The following UBE2B variants were observed in gnomAD, a reference collection of about 807,000 sequenced individuals.
The protein encoded by UBE2B is ubiquitin conjugating enzyme E2 B.
UBE2B carries 11 observed loss-of-function variants against 24.6 expected under a neutral mutation model. That is an observed-to-expected ratio of 0.45 (90% CI 0.28 to 0.74). The LOEUF (loss-of-function observed/expected upper bound fraction) is 0.74. Ranked by LOEUF, UBE2B falls within the 30% of genes least tolerant of loss-of-function variation. UBE2B has a pLI of 0.13. For synonymous variants in UBE2B, 68 were observed against 62.4 expected, an observed-to-expected ratio of 1.09 and a Z score of -0.42; for missense variants, 78 against 185.6, an observed-to-expected ratio of 0.42 and a Z score of 3.37.
Position 134,390,554 on chromosome 5 carries a change from C to G in UBE2B, c.*201C>G. The G allele has an allele frequency of 1.8e-6, 1 of 566,346 alleles. No individual in the cohort carries two copies. Among genetic ancestry groups the G allele is most frequent in the South Asian group, 2.1e-5 (1 of 48,284 alleles). The allele number at this position is 566,346 out of a possible 1,614,324, so 35.1% of individuals were successfully genotyped here. ...TTGCATGGTGTGAACTAAGTTATTG[C>G]TGCATAAATTTGTAATATATCCTGT... On this transcript the variant is annotated 3_prime_UTR_variant, in exon 6 of 6. Coordinates refer to ENST00000265339, the MANE Select transcript of UBE2B (RefSeq NM_003337.4). The surrounding 1 kb of genome is among the most constrained non-coding windows in gnomAD (Gnocchi z 4.6).
In UBE2B at chr5:134,388,341, C is replaced by T; in HGVS notation, c.258C>T (p.Ser86=). 6.2e-7 allele frequency: 1 copy of T among 1,613,932 alleles called. No individual in the cohort carries two copies. The highest frequency in any genetic ancestry group is 8.5e-7 in the Non-Finnish European group (1 of 1,179,908). The change falls in exon 5 of 6, where the codon AGC becomes AGT. Residue 86 remains serine, a synonymous_variant. Coordinates refer to ENST00000265339, the MANE Select transcript of UBE2B (RefSeq NM_003337.4). ...TCTTTGCAGTGTATGCTGATGGTAG[C>T]ATATGTTTAGATATCCTTCAGAATC... is the stretch of plus-strand genomic sequence containing the variant. ...MFHPNVYADG[S]ICLDILQNRW...
At chr5:134,380,837 T>C in intron 4 of UBE2B, 29 bp downstream of exon 4, 1 of 1,463,110 alleles carries the variant, frequency 6.8e-7, no homozygotes, top group Non-Finnish European at 9.5e-7. Context: ...ATTTTGCAGA[T>C]GATAGTGGGG....
chr5:134,380,388 A>G (rs1187207346), intron 3 of UBE2B, among the ~76,000 whole-genome samples: 1 of 151,966 alleles, frequency 6.6e-6, no homozygotes, highest in Non-Finnish European at 1.5e-5. Context: ...CCTTTAACCA[A>G]CTCCCATTCT....
In UBE2B at chr5:134,390,057, A is replaced by AT; in HGVS notation, c.331-165dup. 1 of 756,858 alleles carries AT rather than the reference A, an allele frequency of 1.3e-6. No individual in the cohort carries two copies. The highest frequency in any genetic ancestry group is 1.7e-5 in the African/African-American group (1 of 57,306). 46.9% of individuals were successfully genotyped at this position (756,858 alleles called of 1,614,324 possible). A position where few individuals can be genotyped will look rare whatever the true frequency, so the allele number is the denominator to read the frequency against. The stretch of plus-strand genomic sequence containing the variant: ...CCTTAGCAGCAGGAAACCCCATAGT[A>AT]TTTATCAAATCATTTCTAAAAGTAT... On this transcript the variant is annotated intron_variant, in intron 5 of 5. Coordinates refer to ENST00000265339, the MANE Select transcript of UBE2B (RefSeq NM_003337.4). This position sits in a 1 kb window ranked among gnomAD's most constrained non-coding sequence, Gnocchi z 4.6.
intron 3 of UBE2B, 50 bp downstream of exon 3, chr5:134,376,744 G>A: frequency 1.3e-6 from 2 of 1,532,306 alleles, no homozygotes; most frequent in Non-Finnish European, 1.8e-6. Context: ...TTACTTTTTA[G>A]TAGAAAATTG....
At chr5:134,371,687 G>T in intron 1 of UBE2B, 48 bp downstream of exon 1, 1 of 1,612,132 alleles carries the variant, frequency 6.2e-7, no homozygotes. Context: ...AAAGCTGCGG[G>T]GCTGCAGGGC....
chr5:134,387,780 ATTAATTTTTTTTTAT>A (rs1422032603), intron 4 of UBE2B, among the ~76,000 whole-genome samples: 1 of 152,110 alleles, frequency 6.6e-6, no homozygotes, highest in Non-Finnish European at 1.5e-5. Context: ...TACAATGGCA[ATTAATTTTTTTTTAT>A]TTAATTTTTT....
intron 5 of UBE2B, among the ~76,000 whole-genome samples, chr5:134,389,531 AT>A (rs1157954755): frequency 1.7e-4 from 26 of 148,856 alleles, no homozygotes; most frequent in South Asian, 2.1e-4. Flanking sequence ...AATTATAGGT[AT>A]TTTTTTCTTT....
chr5:134,378,942 A>C (rs568408769), intron 3 of UBE2B, among the ~76,000 whole-genome samples: 363 of 151,130 alleles, frequency 2.4e-3, no homozygotes, highest in African/African-American at 8.3e-3. Flanking sequence ...AAAAAAAAAA[A>C]AAAACAGTGG....
chr5:134,378,938 A>ACTCC (rs894968722), intron 3 of UBE2B, among the ~76,000 whole-genome samples: 1 of 151,982 alleles, frequency 6.6e-6, no homozygotes, highest in African/African-American at 2.4e-5. Context: ...CAAAAAAAAA[A>ACTCC]AAAAAAAACA....
chr5:134,385,266 T>G (rs577130633), intron 4 of UBE2B, among the ~76,000 whole-genome samples: 4 of 152,190 alleles, frequency 2.6e-5, no homozygotes, highest in Admixed American at 6.6e-5. Flanking sequence ...AGCTGAGAGA[T>G]AGATCTAGGC....
At chr5:134,371,757 G>A (rs1304105186) in intron 1 of UBE2B, 118 bp downstream of exon 1, 9 of 1,476,500 alleles carry the variant, frequency 6.1e-6, no homozygotes, top group Non-Finnish European at 7.4e-6. Flanking sequence ...GGCCCAGCGG[G>A]ACTGGCGGAA....
At chr5:134,380,858 T>C in intron 4 of UBE2B, 50 bp downstream of exon 4, 1 of 1,276,998 alleles carries the variant, frequency 7.8e-7, no homozygotes, top group Non-Finnish European at 1.1e-6. Context: ...AAAAGAGTTG[T>C]TTCCCTCCTT....
At position 134,391,090 on chromosome 5, in the gene UBE2B, C is replaced by G. The variant is rs1243882022; in HGVS notation, c.*737C>G. ...GTACCTTTTGCGATTTCACAGTTGG[C>G]ACTTCTGCCATGAGCAGAGAACTGA... On this transcript the variant is annotated 3_prime_UTR_variant, in exon 6 of 6. Coordinates refer to ENST00000265339, the MANE Select transcript of UBE2B (RefSeq NM_003337.4). 6.6e-6 allele frequency: 1 copy of G among 152,626 alleles called. No individual in the cohort carries two copies. Among genetic ancestry groups the G allele is most frequent in the Non-Finnish European group, 1.5e-5 (1 of 68,046 alleles). 9.5% of individuals were successfully genotyped at this position (152,626 alleles called of 1,614,324 possible).
At chr5:134,387,443 A>G (rs35381740) in intron 4 of UBE2B, among the ~76,000 whole-genome samples, 1,950 of 152,354 alleles carry the variant, frequency 0.013, 38 homozygotes, top group African/African-American at 0.045. Context: ...TGTTGAAGAA[A>G]TTTAACTCAA....
At chr5:134,375,255 A>G (rs1180192347) in intron 2 of UBE2B, among the ~76,000 whole-genome samples, 1 of 152,228 alleles carries the variant, frequency 6.6e-6, no homozygotes, top group African/African-American at 2.4e-5. Context: ...TTTGAGAAGC[A>G]GTTGTAAATT....
At chr5:134,371,725 G>C in intron 1 of UBE2B, 86 bp downstream of exon 1, 1 of 1,581,894 alleles carries the variant, frequency 6.3e-7, no homozygotes, top group Non-Finnish European at 8.6e-7. Flanking sequence ...TCCCCTTTGT[G>C]ACCCTCAGAG....
At chr5:134,374,713 TC>T (rs1157695788) in intron 2 of UBE2B, 8 of 453,876 alleles carry the variant, frequency 1.8e-5, no homozygotes, top group African/African-American at 1.4e-4. Context: ...ACAGTGAGAC[TC>T]TGTCCCCTCC....
chr5:134,380,890 T>C (rs763660498), intron 4 of UBE2B, 82 bp downstream of exon 4: 21 of 917,396 alleles, frequency 2.3e-5, no homozygotes, highest in Non-Finnish European at 3.5e-5. Context: ...ACCTTACTTT[T>C]TACTGTTAGG....
Sources: allele counts gnomAD v4.1 joint callset (sites outside exome capture counted in the v4.1 genomes callset), GRCh38; gene constraint gnomAD v4.1.1; non-coding constraint Gnocchi (gnomAD v3.1); transcripts MANE v1.5; gene names NCBI Gene and HGNC (gene_info 2026-07-23, HGNC 2026-07-21).